MYO1E: variants seen among roughly 807,000 people sequenced by gnomAD.
The protein encoded by MYO1E is unconventional myosin-Ie.
Under a neutral mutation model 151.1 loss-of-function variants are expected in MYO1E, and 68 were observed. That is an observed-to-expected ratio of 0.45 (90% CI 0.37 to 0.55). The LOEUF (loss-of-function observed/expected upper bound fraction) is 0.55, where lower values mean the gene tolerates loss of function less well. MYO1E is among the 20% of genes least tolerant of loss of function. MYO1E has a pLI of 0.00. For synonymous variants in MYO1E, 601 were observed against 501.7 expected, an observed-to-expected ratio of 1.20 and a Z score of -2.64; for missense variants, 1,363 against 1,389.3, an observed-to-expected ratio of 0.98 and a Z score of 0.30.
chr15:59,180,540 TTC>T (rs1282503722), intron 18 of MYO1E, among the ~76,000 whole-genome samples: 1 of 151,804 alleles, frequency 6.6e-6, no homozygotes, highest in African/African-American at 2.4e-5. Flanking sequence ...AATGCTGCGT[TTC>T]TCTTTTTTTT....
At chr15:59,195,388 G>T in intron 17 of MYO1E, 73 bp downstream of exon 17, 1 of 1,322,172 alleles carries the variant, frequency 7.6e-7, no homozygotes, top group Non-Finnish European at 1.1e-6. Context: ...GCTCCTGCCT[G>T]TGATGGAGGA....
Position 59,137,243 on chromosome 15 carries a change from TG to T in MYO1E, c.*136del. On this transcript the variant is annotated 3_prime_UTR_variant, in exon 28 of 28. Coordinates refer to ENST00000288235, the MANE Select transcript of MYO1E (RefSeq NM_004998.4). ...AACCCAGCCTTTTCAGTGTCCTCCA[TG>T]GGGAAGGTACCAGAATAGCTCCAGG... is the stretch of plus-strand genomic sequence containing the variant. 1.3e-6 allele frequency: 1 copy of T among 792,616 alleles called. No homozygotes were observed. The highest frequency in any genetic ancestry group is 2.2e-6 in the Non-Finnish European group (1 of 462,458). The allele number at this position is 792,616 out of a possible 1,614,324, so 49.1% of individuals were successfully genotyped here. A position where few individuals can be genotyped will look rare whatever the true frequency, so the allele number is the denominator to read the frequency against.
chr15:59,340,064 C>G (rs1474866626), intron 1 of MYO1E, among the ~76,000 whole-genome samples: 2 of 152,040 alleles, frequency 1.3e-5, no homozygotes, highest in African/African-American at 2.4e-5. Flanking sequence ...CCATGTTGGC[C>G]AGGCTAGTCT....
At chr15:59,235,773 G>C (rs1317990574) in intron 5 of MYO1E, among the ~76,000 whole-genome samples, 1 of 152,156 alleles carries the variant, frequency 6.6e-6, no homozygotes, top group Non-Finnish European at 1.5e-5. Context: ...AAATGTACTA[G>C]TTCATCTCCT....
At chr15:59,336,797 C>T (rs937431685) in intron 1 of MYO1E, among the ~76,000 whole-genome samples, 7 of 150,796 alleles carry the variant, frequency 4.6e-5, no homozygotes, top group Non-Finnish European at 7.4e-5. Flanking sequence ...CCCTGGTCCA[C>T]GTGTTCTCAT....
intron 1 of MYO1E, among the ~76,000 whole-genome samples, chr15:59,317,848 T>C (rs2080599089): frequency 6.6e-6 from 1 of 152,056 alleles, no homozygotes; most frequent in African/African-American, 2.4e-5. Flanking sequence ...TCATGTGGGC[T>C]AATTCAATAT....
Position 59,174,108 on chromosome 15 carries a change from A to G in MYO1E, c.2164+18T>C. The G allele has an allele frequency of 6.2e-7, 1 of 1,600,088 alleles. No homozygotes were observed. Reference sequence around the variant, plus strand: ...CTTCAGATTTATTAAAATCAATGAAACAAAATTGCTAAAATACCTTCTTCT... The same window carrying G: ...CTTCAGATTTATTAAAATCAATGAAGCAAAATTGCTAAAATACCTTCTTCT... On this transcript the variant is annotated intron_variant, in intron 20 of 27. Transcript: ENST00000288235.
chr15:59,298,327 T>C (rs550907358), intron 1 of MYO1E, among the ~76,000 whole-genome samples: 2 of 152,334 alleles, frequency 1.3e-5, no homozygotes, highest in South Asian at 2.1e-4. Context: ...CTTAGATACA[T>C]GACTTCCTCA....
chr15:59,215,578 A>G (rs1340344743), intron 10 of MYO1E, among the ~76,000 whole-genome samples: 1 of 152,172 alleles, frequency 6.6e-6, no homozygotes, highest in Non-Finnish European at 1.5e-5. Context: ...GGAGGAATGT[A>G]AGCGAACAAT....
chr15:59,152,099 C>G (rs1468274803), intron 26 of MYO1E, among the ~76,000 whole-genome samples: 5 of 151,342 alleles, frequency 3.3e-5, no homozygotes, highest in East Asian at 1.9e-4. Flanking sequence ...TGTGGTGGTG[C>G]GTGCCTGTAA....
chr15:59,282,879 G>A (rs2080361354), intron 1 of MYO1E, among the ~76,000 whole-genome samples: 1 of 12,332 alleles, frequency 8.1e-5, no homozygotes, highest in Non-Finnish European at 2.0e-4. Context: ...GGGAGTGGGA[G>A]AGGGAGGGGA....
Position 59,188,024 on chromosome 15 carries a change from T to C in MYO1E, c.1904+94A>G, listed in dbSNP as rs538712259. On this transcript the variant is annotated intron_variant, in intron 18 of 27. Coordinates refer to ENST00000288235, the MANE Select transcript of MYO1E (RefSeq NM_004998.4). ...AACTCTGTGAATACGTTAAAAGCCA[T>C]TGACTCGTACGCTTGAAGTGGGTGA... 272 of 942,474 alleles carry C rather than the reference T, an allele frequency of 2.9e-4. No homozygotes were observed. The highest frequency in any genetic ancestry group is 4.5e-4 in the Non-Finnish European group (259 of 577,730). 58.4% of individuals were successfully genotyped at this position (942,474 alleles called of 1,614,324 possible). A position where few individuals can be genotyped will look rare whatever the true frequency, so the allele number is the denominator to read the frequency against.
intron 1 of MYO1E, among the ~76,000 whole-genome samples, chr15:59,334,840 T>C (rs16941346): frequency 0.026 from 3,958 of 152,220 alleles, 112 homozygotes; most frequent in African/African-American, 0.064. Context: ...ACTACAAGAA[T>C]GATTTACTTA....
At chr15:59,334,613 A>G (rs2080717623) in intron 1 of MYO1E, among the ~76,000 whole-genome samples, 1 of 152,192 alleles carries the variant, frequency 6.6e-6, no homozygotes, top group Admixed American at 6.5e-5. Flanking sequence ...CTGCTACAGG[A>G]CCAAAGTAGA....
chr15:59,262,538 G>A (rs1311924967), intron 2 of MYO1E, among the ~76,000 whole-genome samples: 3 of 152,186 alleles, frequency 2.0e-5, no homozygotes, highest in Admixed American at 6.5e-5. Flanking sequence ...TGAGGCGGGA[G>A]GATTGCTTGA....
At chr15:59,269,080 T>C (rs989501998) in intron 2 of MYO1E, among the ~76,000 whole-genome samples, 41 of 152,258 alleles carry the variant, frequency 2.7e-4, no homozygotes, top group African/African-American at 8.9e-4. Context: ...CAATACTCCA[T>C]TTATAACGGT....
At chr15:59,172,595 A>G (rs1485772297) in intron 21 of MYO1E, among the ~76,000 whole-genome samples, 2 of 152,338 alleles carry the variant, frequency 1.3e-5, no homozygotes, top group South Asian at 2.1e-4. Flanking sequence ...TGGCAAACTC[A>G]TATGGAGTCA....
At chr15:59,222,436 T>C (rs2079961687) in intron 9 of MYO1E, among the ~76,000 whole-genome samples, 1 of 152,228 alleles carries the variant, frequency 6.6e-6, no homozygotes, top group Non-Finnish European at 1.5e-5. Flanking sequence ...GGAAGAACCC[T>C]GATTTTTTTT....
intron 17 of MYO1E, among the ~76,000 whole-genome samples, chr15:59,191,226 C>A (rs774219137): frequency 4.6e-5 from 7 of 151,666 alleles, no homozygotes; most frequent in Admixed American, 3.9e-4. Flanking sequence ...GAGGCCGAGG[C>A]GGGCAAATCA....
Sources: allele counts gnomAD v4.1 joint callset (sites outside exome capture counted in the v4.1 genomes callset), GRCh38; gene constraint gnomAD v4.1.1; transcripts MANE v1.5; gene names NCBI Gene and HGNC (gene_info 2026-07-23, HGNC 2026-07-21).